AFG2A: variants seen among roughly 807,000 people sequenced by gnomAD.
AFG2A encodes AAA ATPase AFG2A, also known as ATPase family gene 2 protein homolog A.
At chr4:122,944,674 G>C in the AFG2A span, among the ~76,000 whole-genome samples, 7 of 151,600 alleles carry the variant, frequency 4.6e-5, no homozygotes, top group African/African-American at 1.5e-4. Context: ...TTCTGTTGCT[G>C]GTGAGGAACT....
chr4:122,976,435 T>C, the AFG2A span, among the ~76,000 whole-genome samples: 3 of 152,232 alleles, frequency 2.0e-5, no homozygotes, highest in Non-Finnish European at 4.4e-5. Context: ...TGAATTTATT[T>C]TGGATCTCTC....
At chr4:123,146,859 A>T in the AFG2A span, among the ~76,000 whole-genome samples, 1 of 152,108 alleles carries the variant, frequency 6.6e-6, no homozygotes, top group South Asian at 2.1e-4. Flanking sequence ...GTTGCTAGGG[A>T]CATACACCTA....
At chr4:122,961,564 G>A in the AFG2A span, among the ~76,000 whole-genome samples, 2 of 152,208 alleles carry the variant, frequency 1.3e-5, no homozygotes, top group Non-Finnish European at 2.9e-5. Flanking sequence ...GAGTGCAGTG[G>A]CGCAGTCTTG....
the AFG2A span, among the ~76,000 whole-genome samples, chr4:123,245,076 G>A: frequency 6.6e-6 from 1 of 152,152 alleles, no homozygotes; most frequent in Non-Finnish European, 1.5e-5. Context: ...GAGTAGACAG[G>A]ACTGTTCAGA....
chr4:123,160,091 TTTTC>T, the AFG2A span, among the ~76,000 whole-genome samples: 4 of 152,072 alleles, frequency 2.6e-5, no homozygotes, highest in South Asian at 2.1e-4. Flanking sequence ...GACTAGCCTT[TTTTC>T]TTTCTATTTT....
At chr4:123,002,190 G>A in the AFG2A span, among the ~76,000 whole-genome samples, 5,951 of 151,460 alleles carry the variant, frequency 0.039, 364 homozygotes, top group African/African-American at 0.13. Context: ...TTTTGAGCCT[G>A]TGTGTGTCTC....
chr4:123,166,761 A>G, the AFG2A span, among the ~76,000 whole-genome samples: 5 of 152,184 alleles, frequency 3.3e-5, no homozygotes, highest in African/African-American at 9.7e-5. Context: ...AAATCTATCA[A>G]CTGTAACTAT....
the AFG2A span, among the ~76,000 whole-genome samples, chr4:123,031,309 G>C: frequency 2.0e-5 from 3 of 151,944 alleles, no homozygotes; most frequent in Admixed American, 2.0e-4. Context: ...GCACCCCAAC[G>C]CCCAGCTAAT....
the AFG2A span, among the ~76,000 whole-genome samples, chr4:123,148,754 A>G: frequency 2.1e-4 from 32 of 151,362 alleles, no homozygotes; most frequent in African/African-American, 7.7e-4. Flanking sequence ...TCAGTACAGA[A>G]CACACACACA....
the AFG2A span, among the ~76,000 whole-genome samples, chr4:123,110,859 G>A: frequency 3.7e-4 from 57 of 152,254 alleles, no homozygotes; most frequent in South Asian, 1.2e-3. Flanking sequence ...TTGTAAGGCA[G>A]GACTTTCTGT....
chr4:123,273,632 T>C, the AFG2A span, among the ~76,000 whole-genome samples: 2 of 152,072 alleles, frequency 1.3e-5, no homozygotes, highest in Non-Finnish European at 1.5e-5. Flanking sequence ...AATCCAAAAC[T>C]TTTTGAGCAC....
At chr4:123,186,087 TG>T in the AFG2A span, among the ~76,000 whole-genome samples, 1 of 152,186 alleles carries the variant, frequency 6.6e-6, no homozygotes, top group East Asian at 1.9e-4. Flanking sequence ...TCATTCAAAG[TG>T]CTAAGCTTTG....
chr4:122,999,867 G>A, the AFG2A span, among the ~76,000 whole-genome samples: 1 of 151,668 alleles, frequency 6.6e-6, no homozygotes, highest in Admixed American at 6.6e-5. Flanking sequence ...AGCTTGATGG[G>A]GATGGCATTG....
chr4:123,170,234 T>G, the AFG2A span, among the ~76,000 whole-genome samples: 1 of 152,224 alleles, frequency 6.6e-6, no homozygotes. Context: ...TAGTAAGTCT[T>G]CTGGCATTCT....
the AFG2A span, among the ~76,000 whole-genome samples, chr4:123,215,500 C>T: frequency 3.9e-5 from 6 of 152,136 alleles, no homozygotes; most frequent in African/African-American, 1.2e-4. Flanking sequence ...GATAAGAAAA[C>T]GTGAAGCTCT....
chr4:123,162,870 C>T, the AFG2A span, among the ~76,000 whole-genome samples: 2 of 152,118 alleles, frequency 1.3e-5, no homozygotes, highest in Non-Finnish European at 2.9e-5. Flanking sequence ...TATAATTCCT[C>T]TCTCTAGGGT....
chr4:123,297,476 C>T, the AFG2A span, among the ~76,000 whole-genome samples: 1 of 152,146 alleles, frequency 6.6e-6, no homozygotes, highest in South Asian at 2.1e-4. Flanking sequence ...GATCCCAGCA[C>T]TTTGGGAGGC....
the AFG2A span, among the ~76,000 whole-genome samples, chr4:122,952,113 A>G: frequency 6.6e-6 from 1 of 152,220 alleles, no homozygotes; most frequent in East Asian, 1.9e-4. Flanking sequence ...CCCTTTTGTA[A>G]TGTCCTCTAC....
chr4:123,193,175 C>T, the AFG2A span, among the ~76,000 whole-genome samples: 1 of 152,184 alleles, frequency 6.6e-6, no homozygotes. Flanking sequence ...CCAGTGAGAA[C>T]AACCCAACTT....
Sources: gnomAD v4.1 joint callset for allele counts (sites outside exome capture counted in the v4.1 genomes callset) on GRCh38, gnomAD v4.1.1 for gene constraint, MANE v1.5 for transcripts, NCBI Gene and HGNC (gene_info 2026-07-23, HGNC 2026-07-21) for gene names.